PAM: variants seen among roughly 807,000 people sequenced by gnomAD.
PAM encodes peptidyl-glycine alpha-amidating monooxygenase.
Under a neutral mutation model 122.1 loss-of-function variants are expected in PAM, and 72 were observed. That is an observed-to-expected ratio of 0.59 (90% CI 0.49 to 0.72). The LOEUF (loss-of-function observed/expected upper bound fraction) is 0.72, where lower values mean the gene tolerates loss of function less well. Ranked by LOEUF, PAM falls within the 30% of genes least tolerant of loss-of-function variation. PAM has a pLI of 0.00. For missense variants in PAM, 1,106 were observed against 1,183.7 expected (o/e 0.93, Z 0.96); for synonymous variants, 389 against 404.4 (o/e 0.96, Z 0.46).
chr5:102,782,005 T>C (rs893554663), intron 1 of PAM, among the ~76,000 whole-genome samples: 3 of 152,212 alleles, frequency 2.0e-5, no homozygotes, highest in East Asian at 3.8e-4. Context: ...CAGTCTGCAG[T>C]CCACATCCGT....
intron 1 of PAM, among the ~76,000 whole-genome samples, chr5:102,849,341 G>A (rs1358999007): frequency 1.2e-4 from 18 of 152,056 alleles, no homozygotes; most frequent in African/African-American, 4.3e-4. Flanking sequence ...GGCGGATCAC[G>A]AGGTCAGGAG....
chr5:102,907,084 T>C (rs1425272353), intron 4 of PAM, among the ~76,000 whole-genome samples: 2 of 151,720 alleles, frequency 1.3e-5, no homozygotes, highest in African/African-American at 4.8e-5. Flanking sequence ...TGATGTTCAA[T>C]ATATAGGTTT....
intron 7 of PAM, among the ~76,000 whole-genome samples, chr5:102,941,520 C>A (rs1322073693): frequency 6.6e-6 from 1 of 152,120 alleles, no homozygotes; most frequent in Admixed American, 6.5e-5. Flanking sequence ...TATTAACAGT[C>A]CCCCAATTTC....
chr5:102,976,003 T>G (rs1767526686), intron 15 of PAM, among the ~76,000 whole-genome samples: 1 of 152,140 alleles, frequency 6.6e-6, no homozygotes, highest in East Asian at 1.9e-4. Context: ...CCCAAGTGCA[T>G]GTACTTGGCA....
intron 3 of PAM, among the ~76,000 whole-genome samples, chr5:102,876,131 TAG>T (rs1231285081): frequency 2.0e-5 from 3 of 152,168 alleles, no homozygotes; most frequent in Non-Finnish European, 4.4e-5. Flanking sequence ...CCAAATACAC[TAG>T]AGTCTTTATT....
At chr5:102,819,100 T>G (rs550164731) in intron 1 of PAM, among the ~76,000 whole-genome samples, 359 of 152,286 alleles carry the variant, frequency 2.4e-3, no homozygotes, top group Non-Finnish European at 4.1e-3. Context: ...CTTTAATCTC[T>G]CCTATATTCT....
intron 1 of PAM, among the ~76,000 whole-genome samples, chr5:102,797,310 C>G (rs1235606172): frequency 6.6e-6 from 1 of 152,126 alleles, no homozygotes; most frequent in Non-Finnish European, 1.5e-5. Context: ...AATGTGAATG[C>G]TCTAAATCAT....
At chr5:102,771,509 C>G (rs1755772021) in intron 1 of PAM, among the ~76,000 whole-genome samples, 1 of 152,064 alleles carries the variant, frequency 6.6e-6, no homozygotes, top group Non-Finnish European at 1.5e-5. Flanking sequence ...CAATGTTTAC[C>G]AAGCAGTTTT....
intron 7 of PAM, among the ~76,000 whole-genome samples, chr5:102,945,640 A>G (rs763040171): frequency 2.0e-5 from 3 of 151,718 alleles, no homozygotes; most frequent in Non-Finnish European, 4.4e-5. Context: ...TAATTTGCCT[A>G]TCTATTCTTC....
At chr5:103,018,521 T>C (rs945645984) in intron 22 of PAM, among the ~76,000 whole-genome samples, 1 of 152,180 alleles carries the variant, frequency 6.6e-6, no homozygotes, top group Non-Finnish European at 1.5e-5. Flanking sequence ...ACTATGCCAC[T>C]CCAGCAGTAG....
chr5:102,948,324 A>G (rs1220478532), intron 8 of PAM, 54 bp from the exon 9 acceptor site: 21 of 980,206 alleles, frequency 2.1e-5, no homozygotes, highest in Admixed American at 7.2e-5. Flanking sequence ...TTTTTCCAAA[A>G]CAGTCATTTT....
chr5:102,897,002 C>T (rs1796397161), intron 3 of PAM, among the ~76,000 whole-genome samples: 1 of 151,472 alleles, frequency 6.6e-6, no homozygotes, highest in African/African-American at 2.4e-5. Context: ...TGGGAGACAG[C>T]GATTTGATTC....
chr5:103,007,435 A>G (rs1267837917), intron 19 of PAM, 22 bp from the exon 20 acceptor site: 1 of 1,606,042 alleles, frequency 6.2e-7, no homozygotes, highest in Admixed American at 1.7e-5. Flanking sequence ...TTGTGTATCT[A>G]AGGCTTTTTT....
chr5:102,885,778 A>G (rs1219459454), intron 3 of PAM, among the ~76,000 whole-genome samples: 1 of 152,014 alleles, frequency 6.6e-6, no homozygotes, highest in Non-Finnish European at 1.5e-5. Flanking sequence ...TAATGGGCAC[A>G]GTAAGCTGGG....
chr5:102,778,666 A>C (rs1469613519), intron 1 of PAM, among the ~76,000 whole-genome samples: 6 of 152,150 alleles, frequency 3.9e-5, no homozygotes, highest in Non-Finnish European at 7.4e-5. Flanking sequence ...ATCTTACCAA[A>C]TTAGAAACCT....
At chr5:102,894,839 C>CAAAAT (rs1224387484) in intron 3 of PAM, among the ~76,000 whole-genome samples, 8 of 151,696 alleles carry the variant, frequency 5.3e-5, no homozygotes, top group Non-Finnish European at 1.2e-4. Flanking sequence ...ATCCACTCCC[C>CAAAAT]AGTCATGTCT....
At chr5:102,795,189 C>CAAAAAAAAAAA (rs33988105) in intron 1 of PAM, among the ~76,000 whole-genome samples, 10 of 59,678 alleles carry the variant, frequency 1.7e-4, no homozygotes, top group Admixed American at 7.0e-4. Flanking sequence ...GACAATGTCT[C>CAAAAAAAAAAA]AAAAAAAAAA....
chr5:102,884,266 A>G (rs1214997300), intron 3 of PAM, among the ~76,000 whole-genome samples: 1 of 151,862 alleles, frequency 6.6e-6, no homozygotes, highest in African/African-American at 2.4e-5. Context: ...AAAAAACAAT[A>G]TCACCAACAA....
Position 102,949,964 on chromosome 5 carries a change from C to A in PAM, c.787C>A (p.Pro263Thr), listed in dbSNP as rs986561885. 6.4e-7 allele frequency: 1 copy of A among 1,566,834 alleles called. No individual in the cohort carries two copies. The highest frequency in any genetic ancestry group is 8.8e-7 in the Non-Finnish European group (1 of 1,138,074). ...GTGGACACTGATTGGACGGCAGAGC[C>A]CTCAGCTGCCACAGGTGGGTAAAAT... ...GQWTLIGRQS[P>T]QLPQAFYPVG... Residue 263 changes from proline to threonine, a missense_variant, in exon 11 of 26, where the codon CCT becomes ACT. Pro to Thr is a conservative substitution (Grantham distance 38). Around this residue, in one of 3 missense-constraint regions of PAM, gnomAD observed 670 missense variants for 690.3 expected, o/e 0.97. Coordinates refer to ENST00000438793, the MANE Select transcript of PAM (RefSeq NM_001177306.2).
Sources: allele counts gnomAD v4.1 joint callset (sites outside exome capture counted in the v4.1 genomes callset), GRCh38; gene constraint gnomAD v4.1.1; regional missense constraint gnomAD v4.1.1; transcripts MANE v1.5; gene names NCBI Gene and HGNC (gene_info 2026-07-23, HGNC 2026-07-21).